The following ZNF385D variants were observed in gnomAD, a reference collection of about 807,000 sequenced individuals.
ZNF385D encodes zinc finger protein 385D, also known as zinc finger protein 659.
In ZNF385D, 15 loss-of-function variants were observed where a neutral mutation model predicts 35.8. The ratio of observed to expected loss-of-function variants is 0.42; its 90% CI spans 0.28 to 0.64. The LOEUF is 0.64. Among genes scored for constraint, ZNF385D ranks in the 30% least tolerant of loss-of-function variants. The probability of loss-of-function intolerance (pLI) is 0.23; values close to 1 mark genes in which losing one functional copy is unlikely to be tolerated. For missense variants in ZNF385D, 474 were observed against 494.6 expected (o/e 0.96, Z 0.39); for synonymous variants, 212 against 186.8 (o/e 1.13, Z -1.10).
intron 3 of ZNF385D, among the ~76,000 whole-genome samples, chr3:22,076,249 T>C (rs927378444): frequency 2.0e-5 from 3 of 151,874 alleles, no homozygotes; most frequent in African/African-American, 7.2e-5. Context: ...TAAAGATACA[T>C]TCTTTATCCT....
At chr3:22,371,967 A>G (rs554671225) in intron 2 of ZNF385D, among the ~76,000 whole-genome samples, 1 of 152,260 alleles carries the variant, frequency 6.6e-6, no homozygotes, top group African/African-American at 2.4e-5. Flanking sequence ...GGAAGCAGGA[A>G]GCTGTCCCGC....
chr3:22,335,277 C>T (rs1345315358), intron 2 of ZNF385D, among the ~76,000 whole-genome samples: 1 of 152,042 alleles, frequency 6.6e-6, no homozygotes, highest in African/African-American at 2.4e-5. Context: ...TGGCTTCAAA[C>T]AAAAATAAGA....
At chr3:22,317,543 C>T (rs1222734615) in intron 2 of ZNF385D, among the ~76,000 whole-genome samples, 1 of 152,092 alleles carries the variant, frequency 6.6e-6, no homozygotes, top group Non-Finnish European at 1.5e-5. Context: ...ACCCCTCACC[C>T]TCCTATAATG....
intron 3 of ZNF385D, among the ~76,000 whole-genome samples, chr3:22,008,348 G>A (rs1576140802): frequency 9.4e-6 from 1 of 106,074 alleles, no homozygotes; most frequent in African/African-American, 4.0e-5. Flanking sequence ...CTTTCATACA[G>A]GCCATGATTT....
chr3:21,430,347 CAAAG>C (rs986986025), intron 5 of ZNF385D, among the ~76,000 whole-genome samples: 6 of 151,992 alleles, frequency 3.9e-5, no homozygotes, highest in South Asian at 4.2e-4. Flanking sequence ...AAAATAGAGA[CAAAG>C]AAAACAAGAA....
At chr3:22,071,590 A>T (rs1227819795) in intron 3 of ZNF385D, among the ~76,000 whole-genome samples, 1 of 152,166 alleles carries the variant, frequency 6.6e-6, no homozygotes, top group African/African-American at 2.4e-5. Flanking sequence ...TTTCCCTGTA[A>T]TATTGCAGAG....
chr3:21,889,083 T>G (rs1698703061), intron 3 of ZNF385D, among the ~76,000 whole-genome samples: 1 of 152,220 alleles, frequency 6.6e-6, no homozygotes, highest in Non-Finnish European at 1.5e-5. Flanking sequence ...GTCAGAGACC[T>G]TAATAAGAAC....
intron 4 of ZNF385D, among the ~76,000 whole-genome samples, chr3:21,484,415 G>A (rs1450337741): frequency 1.3e-5 from 2 of 152,298 alleles, no homozygotes; most frequent in South Asian, 2.1e-4. Context: ...GGCATCTTTC[G>A]AAGAAGCTAT....
At chr3:22,017,210 CT>C in intron 3 of ZNF385D, among the ~76,000 whole-genome samples, 1 of 151,938 alleles carries the variant, frequency 6.6e-6, no homozygotes, top group Non-Finnish European at 1.5e-5. Flanking sequence ...TCAATTTTTG[CT>C]TTAGATATTT....
chr3:22,329,076 C>CATA (rs1553649514), intron 2 of ZNF385D, among the ~76,000 whole-genome samples: 1 of 74,890 alleles, frequency 1.3e-5, no homozygotes, highest in African/African-American at 5.3e-5. Context: ...GACTCCGTCT[C>CATA]AAAAAAAAAA....
At chr3:22,360,453 C>T (rs920800436) in intron 2 of ZNF385D, among the ~76,000 whole-genome samples, 3 of 151,862 alleles carry the variant, frequency 2.0e-5, no homozygotes, top group African/African-American at 7.3e-5. Context: ...CAGTACTTGG[C>T]AGTATCTTAA....
chr3:21,887,451 T>A (rs1436594985), intron 3 of ZNF385D, among the ~76,000 whole-genome samples: 1 of 152,170 alleles, frequency 6.6e-6, no homozygotes, highest in African/African-American at 2.4e-5. Flanking sequence ...CTGAATGTTT[T>A]CTAAGTCTAG....
chr3:22,362,031 AATTAT>A (rs1474473527), intron 2 of ZNF385D, among the ~76,000 whole-genome samples: 1 of 151,330 alleles, frequency 6.6e-6, no homozygotes. Context: ...TATTAGTTAT[AATTAT>A]ATTATTAATA....
At chr3:21,860,843 T>C (rs1465602362) in intron 3 of ZNF385D, among the ~76,000 whole-genome samples, 1 of 152,236 alleles carries the variant, frequency 6.6e-6, no homozygotes, top group Non-Finnish European at 1.5e-5. Context: ...GAGTCTCTAC[T>C]TGGAGATTCC....
chr3:21,590,280 C>G (rs73137035), intron 2 of ZNF385D, among the ~76,000 whole-genome samples: 1 of 152,044 alleles, frequency 6.6e-6, no homozygotes, highest in Admixed American at 6.6e-5. Flanking sequence ...TATGCTATTT[C>G]ATAATAAAAC....
chr3:21,666,930 T>G (rs1480984588), intron 1 of ZNF385D, among the ~76,000 whole-genome samples: 5 of 151,810 alleles, frequency 3.3e-5, no homozygotes, highest in Admixed American at 2.6e-4. Context: ...ATACAAAAAT[T>G]AGCCAAATGT....
chr3:21,596,723 C>A (rs1230964431), intron 2 of ZNF385D, among the ~76,000 whole-genome samples: 1 of 151,648 alleles, frequency 6.6e-6, no homozygotes, highest in Non-Finnish European at 1.5e-5. Flanking sequence ...AAGTGATCCT[C>A]CTGCCCCAGC....
chr3:22,304,210 C>T (rs1703079194), intron 2 of ZNF385D, among the ~76,000 whole-genome samples: 1 of 152,082 alleles, frequency 6.6e-6, no homozygotes, highest in Admixed American at 6.6e-5. Context: ...AAGAATATCC[C>T]TGTATGCATT....
intron 2 of ZNF385D, among the ~76,000 whole-genome samples, chr3:21,568,211 C>G (rs1182422758): frequency 6.6e-6 from 1 of 151,878 alleles, no homozygotes; most frequent in Non-Finnish European, 1.5e-5. Context: ...ACGTATATAT[C>G]TACAACCATT....
Sources: allele counts gnomAD v4.1 joint callset (sites outside exome capture counted in the v4.1 genomes callset), GRCh38; gene constraint gnomAD v4.1.1; transcripts MANE v1.5; gene names NCBI Gene and HGNC (gene_info 2026-07-23, HGNC 2026-07-21).